CAMK4: variants seen among roughly 807,000 people sequenced by gnomAD.
The protein encoded by CAMK4 is calcium/calmodulin dependent protein kinase IV.
CAMK4 carries 22 observed loss-of-function variants against 44.9 expected under a neutral mutation model. The ratio of observed to expected loss-of-function variants is 0.49; its 90% CI spans 0.35 to 0.70. The LOEUF is 0.70. Ranked by LOEUF, CAMK4 falls within the 30% of genes least tolerant of loss-of-function variation. The pLI is 0.01. For synonymous variants in CAMK4, 218 were observed against 215.4 expected (o/e 1.01, Z -0.11); for missense variants, 498 against 586.8 (o/e 0.85, Z 1.56).
chr5:111,295,916 ATCAG>A (rs1466356500), intron 1 of CAMK4, among the ~76,000 whole-genome samples: 3 of 152,240 alleles, frequency 2.0e-5, no homozygotes, highest in Non-Finnish European at 4.4e-5. Flanking sequence ...TGATTCTGTT[ATCAG>A]TCTTCATTTG....
At chr5:111,386,113 A>C (rs1047478665) in intron 4 of CAMK4, among the ~76,000 whole-genome samples, 8 of 152,200 alleles carry the variant, frequency 5.3e-5, no homozygotes, top group Non-Finnish European at 1.5e-5. Context: ...TGAACTTGAC[A>C]TTCTTTGGCA....
At chr5:111,297,204 A>T (rs2112637898) in intron 1 of CAMK4, among the ~76,000 whole-genome samples, 1 of 152,390 alleles carries the variant, frequency 6.6e-6, no homozygotes, top group African/African-American at 2.4e-5. Context: ...GCAGCACTTA[A>T]AAATTAAATA....
chr5:111,324,272 C>T (rs979842375), intron 1 of CAMK4, among the ~76,000 whole-genome samples: 2 of 151,594 alleles, frequency 1.3e-5, no homozygotes, highest in Non-Finnish European at 2.9e-5. Flanking sequence ...GAGATTGATA[C>T]ATTGAAAGAA....
At chr5:111,247,402 T>C (rs765794134) in intron 1 of CAMK4, among the ~76,000 whole-genome samples, 2 of 147,762 alleles carry the variant, frequency 1.4e-5, no homozygotes, top group Non-Finnish European at 3.0e-5. Flanking sequence ...TTTATATTTA[T>C]ATATAAATTT....
intron 1 of CAMK4, among the ~76,000 whole-genome samples, chr5:111,330,148 G>A (rs1460355887): frequency 2.1e-5 from 3 of 146,040 alleles, no homozygotes; most frequent in East Asian, 2.1e-4. Flanking sequence ...AGTTAATTTG[G>A]CAAGGTTTTA....
intron 7 of CAMK4, among the ~76,000 whole-genome samples, chr5:111,460,486 G>C (rs532343194): frequency 1.3e-5 from 2 of 151,808 alleles, no homozygotes; most frequent in South Asian, 2.1e-4. Flanking sequence ...TGCCCAGGCT[G>C]GTCTTGAACT....
In CAMK4 at chr5:111,488,634, T is replaced by C. The variant is rs1276202239; in HGVS notation, c.*4168T>C. On this transcript the variant is annotated 3_prime_UTR_variant, in exon 11 of 11. Transcript: ENST00000282356. ...GTTTTTATTGCACAGAAGCAGCTGGTTGTATTTCAAGTTGGAAAAAGAAAA... is the reference window on the plus strand; with the variant it reads ...GTTTTTATTGCACAGAAGCAGCTGGCTGTATTTCAAGTTGGAAAAAGAAAA... 6.6e-6 allele frequency: 1 copy of C among 152,232 alleles called. No homozygotes were observed. Among genetic ancestry groups the C allele is most frequent in the African/African-American group, 2.4e-5 (1 of 41,462 alleles). The allele number at this position is 152,232 out of a possible 1,614,324, so 9.4% of individuals were successfully genotyped here. A position where few individuals can be genotyped will look rare whatever the true frequency, so the allele number is the denominator to read the frequency against.
At chr5:111,342,357 C>T (rs1241370318) in intron 1 of CAMK4, among the ~76,000 whole-genome samples, 4 of 151,434 alleles carry the variant, frequency 2.6e-5, no homozygotes, top group East Asian at 1.9e-4. Context: ...TTGACGCCTT[C>T]GTAATTAATG....
chr5:111,256,549 A>G (rs916810395), intron 1 of CAMK4, among the ~76,000 whole-genome samples: 1 of 152,222 alleles, frequency 6.6e-6, no homozygotes, highest in East Asian at 1.9e-4. Context: ...TTGTGAATCT[A>G]GAATTATTTC....
At chr5:111,340,538 A>C (rs1749596728) in intron 1 of CAMK4, among the ~76,000 whole-genome samples, 1 of 151,276 alleles carries the variant, frequency 6.6e-6, no homozygotes, top group African/African-American at 2.4e-5. Context: ...GAATATGTTT[A>C]CTTTTTCATC....
intron 1 of CAMK4, among the ~76,000 whole-genome samples, chr5:111,268,001 A>G (rs1323708506): frequency 6.6e-6 from 1 of 152,182 alleles, no homozygotes; most frequent in African/African-American, 2.4e-5. Context: ...TGAGGCTGTC[A>G]GTGTTTTCCA....
intron 1 of CAMK4, among the ~76,000 whole-genome samples, chr5:111,253,833 T>A (rs1348277333): frequency 6.6e-6 from 1 of 152,230 alleles, no homozygotes; most frequent in Non-Finnish European, 1.5e-5. Flanking sequence ...TATTTCTTCA[T>A]CTGAGATAAG....
chr5:111,354,109 G>GA (rs1399702438), intron 2 of CAMK4, among the ~76,000 whole-genome samples: 3 of 152,024 alleles, frequency 2.0e-5, no homozygotes, highest in Non-Finnish European at 4.4e-5. Flanking sequence ...CCTTAAGAAG[G>GA]AAAAAATAAT....
intron 1 of CAMK4, among the ~76,000 whole-genome samples, chr5:111,247,937 C>T (rs759194973): frequency 6.6e-6 from 1 of 152,126 alleles, no homozygotes; most frequent in Non-Finnish European, 1.5e-5. Flanking sequence ...TTAAGGATTG[C>T]TCTAGAATTT....
At chr5:111,413,934 A>G (rs1473239538) in intron 5 of CAMK4, among the ~76,000 whole-genome samples, 1 of 151,898 alleles carries the variant, frequency 6.6e-6, no homozygotes, top group Non-Finnish European at 1.5e-5. Flanking sequence ...CTGATAATAA[A>G]TTAGAAATTT....
intron 2 of CAMK4, among the ~76,000 whole-genome samples, chr5:111,355,265 G>C (rs181662524): frequency 5.3e-5 from 8 of 152,122 alleles, no homozygotes; most frequent in African/African-American, 1.9e-4. Flanking sequence ...CAGGTCTCCT[G>C]GAATAGGAAC....
intron 2 of CAMK4, among the ~76,000 whole-genome samples, chr5:111,346,463 G>A (rs568798721): frequency 7.2e-6 from 1 of 138,874 alleles, no homozygotes; most frequent in Non-Finnish European, 1.6e-5. Context: ...CTAGCCCTAA[G>A]CCCAAGAGGC....
intron 5 of CAMK4, among the ~76,000 whole-genome samples, chr5:111,411,009 T>C (rs191342013): frequency 2.0e-5 from 3 of 152,282 alleles, no homozygotes; most frequent in Admixed American, 1.3e-4. Context: ...TTTTTTGTTG[T>C]GTTCAATGAA....
chr5:111,293,502 C>T (rs1339328394), intron 1 of CAMK4, among the ~76,000 whole-genome samples: 4 of 151,844 alleles, frequency 2.6e-5, no homozygotes, highest in South Asian at 2.1e-4. Flanking sequence ...TCTCAGCTCA[C>T]TGCAACCTCC....
Sources: gnomAD v4.1 joint callset for allele counts (sites outside exome capture counted in the v4.1 genomes callset) on GRCh38, gnomAD v4.1.1 for gene constraint, MANE v1.5 for transcripts, NCBI Gene and HGNC (gene_info 2026-07-23, HGNC 2026-07-21) for gene names.